Variants in ZNF521 observed in about 807,000 individuals in gnomAD.
The protein encoded by ZNF521 is LYST-interacting protein 3.
Under a neutral mutation model 105.5 loss-of-function variants are expected in ZNF521, and 14 were observed. The observed-to-expected ratio is 0.13, with a 90% CI of 0.09 to 0.21. The LOEUF (loss-of-function observed/expected upper bound fraction) is 0.21, where lower values mean the gene tolerates loss of function less well. ZNF521 is among the 10% of genes least tolerant of loss of function. ZNF521 has a pLI of 1.00. For synonymous variants in ZNF521, 635 were observed against 606.0 expected (o/e 1.05, Z -0.70); for missense variants, 1,233 against 1,629.7 (o/e 0.76, Z 4.19).
At chr18:25,082,959 G>A (rs1024018768) in intron 7 of ZNF521, among the ~76,000 whole-genome samples, 1 of 151,570 alleles carries the variant, frequency 6.6e-6, no homozygotes, top group African/African-American at 2.4e-5. Context: ...TGGATGTGCT[G>A]TGAATACACA....
intron 7 of ZNF521, among the ~76,000 whole-genome samples, chr18:25,074,046 C>CACGTGTGTGCACGTG (rs59746828): frequency 1.4e-5 from 2 of 142,110 alleles, no homozygotes; most frequent in Non-Finnish European, 1.5e-5. Flanking sequence ...ATGTGTGTGT[C>CACGTGTGTGCACGTG]TGTGCACATG....
At chr18:25,121,341 G>T (rs191295430) in intron 5 of ZNF521, among the ~76,000 whole-genome samples, 1 of 144,392 alleles carries the variant, frequency 6.9e-6, no homozygotes, top group Non-Finnish European at 1.5e-5. Context: ...TGCAACCTCC[G>T]CCTCCCAGGT....
intron 3 of ZNF521, among the ~76,000 whole-genome samples, chr18:25,313,773 C>T (rs1912454906): frequency 6.6e-6 from 1 of 152,028 alleles, no homozygotes; most frequent in South Asian, 2.1e-4. Context: ...TTAGTAAATA[C>T]ATATTATGAC....
chr18:25,157,297 TA>T (rs2035164582), intron 5 of ZNF521, among the ~76,000 whole-genome samples: 1 of 152,208 alleles, frequency 6.6e-6, no homozygotes, highest in Admixed American at 6.5e-5. Flanking sequence ...ATGGAGGGTT[TA>T]AAATGTAAAA....
At chr18:25,328,402 AACACACACACAC>A (rs57967888) in intron 2 of ZNF521, among the ~76,000 whole-genome samples, 9,531 of 141,734 alleles carry the variant, frequency 0.067, 393 homozygotes, top group Admixed American at 0.11. Context: ...GGGGAGGTTA[AACACACACACAC>A]ACACACACAC....
Position 25,238,671 on chromosome 18 carries a change from C to T in ZNF521, c.221-10974G>A, listed in dbSNP as rs947519441. 2.0e-5 allele frequency among the ~76,000 whole-genome samples: 3 copies of T among 152,310 alleles called. No individual in the cohort carries two copies. In the East Asian group the frequency reaches 5.8e-4, roughly 29 times the overall value. On this transcript the variant is annotated intron_variant, in intron 3 of 7. Transcript: ENST00000361524. ...TCCTTCTCACCTATCCCTTAAGCTA[C>T]CCTTCTTCAATTATCATTCCAGCTA...
chr18:25,133,139 T>C (rs9653027), intron 5 of ZNF521, among the ~76,000 whole-genome samples: 41,974 of 152,150 alleles, frequency 0.28, 6,622 homozygotes, highest in Non-Finnish European at 0.35. Flanking sequence ...ATATTCCATT[T>C]CAAGGTCTCT....
At chr18:25,076,090 G>C (rs2033354649) in intron 7 of ZNF521, among the ~76,000 whole-genome samples, 2 of 152,138 alleles carry the variant, frequency 1.3e-5, no homozygotes, top group African/African-American at 4.8e-5. Context: ...TCCCAGTAAT[G>C]AACCACTCCT....
intron 3 of ZNF521, among the ~76,000 whole-genome samples, chr18:25,272,907 T>TAAC (rs1265067224): frequency 1.3e-5 from 2 of 151,642 alleles, no homozygotes; most frequent in African/African-American, 4.9e-5. Flanking sequence ...ACTTAAAGTA[T>TAAC]AATAATAATA....
chr18:25,212,966 G>A (rs1023270242), intron 4 of ZNF521, among the ~76,000 whole-genome samples: 1 of 151,450 alleles, frequency 6.6e-6, no homozygotes, highest in African/African-American at 2.4e-5. Context: ...CGTTTTACAT[G>A]CAAATATATT....
chr18:25,240,053 G>C lies in ZNF521; in HGVS notation c.221-12356C>G, dbSNP rs112342316. On this transcript the variant is annotated intron_variant, in intron 3 of 7. Coordinates refer to ENST00000361524, the MANE Select transcript of ZNF521 (RefSeq NM_015461.3). ...ATCAGAAGCAGTGCACTCTATTGTC[G>C]TTCAGGGCTGTTAAAGACAAATGAT... 3.6e-4 allele frequency among the ~76,000 whole-genome samples: 55 copies of C among 151,844 alleles called. No homozygotes were observed. The East Asian group carries it at 5.1e-3, about 14-fold the overall frequency.
intron 3 of ZNF521, among the ~76,000 whole-genome samples, chr18:25,251,935 C>T (rs950560864): frequency 6.6e-6 from 1 of 152,164 alleles, no homozygotes; most frequent in Non-Finnish European, 1.5e-5. Flanking sequence ...TGTTCAAGTA[C>T]TGATATTTAA....
intron 5 of ZNF521, among the ~76,000 whole-genome samples, chr18:25,152,465 C>T (rs1456266568): frequency 2.7e-4 from 38 of 143,366 alleles, no homozygotes; most frequent in African/African-American, 8.7e-4. Flanking sequence ...GGCAACAGAG[C>T]GAGACTCGGT....
intron 3 of ZNF521, among the ~76,000 whole-genome samples, chr18:25,295,849 T>C (rs1423371584): frequency 6.6e-6 from 1 of 152,190 alleles, no homozygotes; most frequent in African/African-American, 2.4e-5. Flanking sequence ...AGTTTACATA[T>C]CCTTAAACTT....
At chr18:25,259,348 C>A (rs1908744791) in intron 3 of ZNF521, among the ~76,000 whole-genome samples, 1 of 151,982 alleles carries the variant, frequency 6.6e-6, no homozygotes, top group Admixed American at 6.6e-5. Flanking sequence ...TTGAGGCAGC[C>A]CTTTGATTCA....
At chr18:25,337,287 G>T (rs1913945798) in intron 2 of ZNF521, among the ~76,000 whole-genome samples, 1 of 152,110 alleles carries the variant, frequency 6.6e-6, no homozygotes, top group African/African-American at 2.4e-5. Flanking sequence ...AGTTACAAGG[G>T]AAAGCGCTGA....
In ZNF521 at chr18:25,227,534, G is replaced by A. The variant is rs1206321134; in HGVS notation, c.384C>T (p.Ser128=). Residue 128 remains serine (S), a synonymous_variant, in exon 4 of 8, where the codon AGC becomes AGT. Coordinates refer to ENST00000361524, the MANE Select transcript of ZNF521 (RefSeq NM_015461.3). The surrounding 1 kb of genome is among the most constrained non-coding windows in gnomAD (Gnocchi z 5.7). ...YPCQFCDKSF[S]RLSYLKHHEQ... ...CATGGTGCTTTAGGTAGCTGAGGCG[G>A]CTAAACGACTTGTCACAGAATTGAC... The A allele has an allele frequency of 5.6e-6, 9 of 1,614,156 alleles. No individual in the cohort carries two copies. Among genetic ancestry groups the A allele is most frequent in the African/African-American group, 5.3e-5 (4 of 75,022 alleles).
chr18:25,300,097 A>C (rs1037766563), intron 3 of ZNF521, among the ~76,000 whole-genome samples: 1 of 152,176 alleles, frequency 6.6e-6, no homozygotes, highest in South Asian at 2.1e-4. Flanking sequence ...CCTTCTTGGA[A>C]CCTAGACCCA....
chr18:25,293,351 TACACAC>T (rs55818021), intron 3 of ZNF521, among the ~76,000 whole-genome samples: 133 of 143,238 alleles, frequency 9.3e-4, no homozygotes, highest in Non-Finnish European at 1.4e-3. Flanking sequence ...CATGTACACA[TACACAC>T]ACACACACAC....
Sources: gnomAD v4.1 joint callset for allele counts (sites outside exome capture counted in the v4.1 genomes callset) on GRCh38, gnomAD v4.1.1 for gene constraint, Gnocchi (gnomAD v3.1) non-coding constraint, MANE v1.5 for transcripts, NCBI Gene and HGNC (gene_info 2026-07-23, HGNC 2026-07-21) for gene names.